The following XPO4 variants were observed in gnomAD, a reference collection of about 807,000 sequenced individuals.
XPO4 encodes exportin-4.
Under a neutral mutation model 143.0 loss-of-function variants are expected in XPO4, and 39 were observed. That is an observed-to-expected ratio of 0.27 (90% CI 0.21 to 0.36). The LOEUF is 0.36. Among genes scored for constraint, XPO4 ranks in the 10% least tolerant of loss-of-function variants. XPO4 has a pLI of 1.00. For synonymous variants in XPO4, 439 were observed against 474.0 expected (o/e 0.93, Z 0.96); for missense variants, 907 against 1,348.0 (o/e 0.67, Z 5.12).
chr13:20,861,981 G>A (rs565814039), intron 3 of XPO4, among the ~76,000 whole-genome samples: 3 of 151,882 alleles, frequency 2.0e-5, no homozygotes, highest in South Asian at 2.1e-4. Context: ...TAGAGATGGC[G>A]TTTCCGCATA....
At chr13:20,874,416 C>G (rs759419322) in intron 1 of XPO4, among the ~76,000 whole-genome samples, 2 of 152,136 alleles carry the variant, frequency 1.3e-5, no homozygotes, top group Non-Finnish European at 2.9e-5. Flanking sequence ...TTCGCCAAAA[C>G]CCATGTTAAA....
At chr13:20,887,892 C>T (rs1262387203) in intron 1 of XPO4, among the ~76,000 whole-genome samples, 2 of 146,998 alleles carry the variant, frequency 1.4e-5, no homozygotes, top group Non-Finnish European at 3.0e-5. Context: ...AAAAAGAGGT[C>T]GGGCTCAGTG....
intron 1 of XPO4, among the ~76,000 whole-genome samples, chr13:20,893,522 G>A (rs1595170862): frequency 6.6e-6 from 1 of 152,188 alleles, no homozygotes; most frequent in Middle Eastern, 3.4e-3. Flanking sequence ...GGAGGATCAC[G>A]AGGTCAGGAG....
At chr13:20,823,645 C>A (rs1346012335) in intron 7 of XPO4, among the ~76,000 whole-genome samples, 1 of 150,870 alleles carries the variant, frequency 6.6e-6, no homozygotes, top group Admixed American at 6.6e-5. Flanking sequence ...GTGGAAATTA[C>A]ACAGAATTCT....
In XPO4 at chr13:20,786,200, C is replaced by CT. The variant is rs550895187; in HGVS notation, c.3258+764dup. 7.8e-4 allele frequency among the ~76,000 whole-genome samples: 118 copies of CT among 151,726 alleles called. 1 individual carries two copies. Among genetic ancestry groups the CT allele is most frequent in the African/African-American group, 2.8e-3 (117 of 41,354 alleles). ...TACGGGAAGTCTAGAGAAAGGAGGTCTTTAAATAGTATGGAAGACCTCCTC... is the reference window on the plus strand; with the variant it reads ...TACGGGAAGTCTAGAGAAAGGAGGTCTTTTAAATAGTATGGAAGACCTCCTC... On this transcript the variant is annotated intron_variant, in intron 22 of 22. Coordinates refer to ENST00000255305, the MANE Select transcript of XPO4 (RefSeq NM_022459.5).
rs1351977577 is a variant in XPO4, at chr13:20,796,155, C to T, written c.2718G>A (p.Glu906=). The T allele has an allele frequency of 5.0e-6, 8 of 1,613,716 alleles. No homozygotes were observed. In the Admixed American group the frequency reaches 1.3e-4, roughly 27 times the overall value. Residue 906 remains glutamate, a synonymous_variant, in exon 18 of 23, where the codon GAG becomes GAA. Coordinates refer to ENST00000255305, the MANE Select transcript of XPO4 (RefSeq NM_022459.5). The part of the protein sequence containing the change: ...RQRIDVTAEE[E]QYQDLLLIME... ...TAATGAGAAGCAGGTCTTGGTATTGCTCTTCTTCTGCTGTAACATCTATTC... is the reference window on the plus strand; with the variant it reads ...TAATGAGAAGCAGGTCTTGGTATTGTTCTTCTTCTGCTGTAACATCTATTC...
chr13:20,799,096 GGCAAC>G, intron 16 of XPO4, 64 bp downstream of exon 16: 1 of 1,373,572 alleles, frequency 7.3e-7, no homozygotes, highest in Non-Finnish European at 9.8e-7. Flanking sequence ...AGACTCTTAC[GGCAAC>G]GCATAGATAA....
At chr13:20,885,574 GA>G (rs1178776986) in intron 1 of XPO4, among the ~76,000 whole-genome samples, 2 of 152,094 alleles carry the variant, frequency 1.3e-5, no homozygotes, top group African/African-American at 4.8e-5. Context: ...GGATAAAAAA[GA>G]AAATCCAAAA....
At chr13:20,886,341 G>A (rs2060461286) in intron 1 of XPO4, among the ~76,000 whole-genome samples, 2 of 152,144 alleles carry the variant, frequency 1.3e-5, no homozygotes, top group Admixed American at 6.5e-5. Context: ...GGCTGGGCGC[G>A]TGGCTCACAC....
At chr13:20,870,775 T>C (rs1322612029) in intron 1 of XPO4, among the ~76,000 whole-genome samples, 1 of 152,130 alleles carries the variant, frequency 6.6e-6, no homozygotes, top group African/African-American at 2.4e-5. Flanking sequence ...AGAAGTATTT[T>C]TGTCTTTCCA....
At chr13:20,883,860 TG>T (rs1305699046) in intron 1 of XPO4, among the ~76,000 whole-genome samples, 4 of 152,170 alleles carry the variant, frequency 2.6e-5, no homozygotes, top group African/African-American at 9.7e-5. Flanking sequence ...CTCCGCCTCC[TG>T]GGTTCAAGCG....
intron 1 of XPO4, chr13:20,902,230 G>A: frequency 3.0e-6 from 3 of 985,240 alleles, no homozygotes; most frequent in Non-Finnish European, 3.6e-6. Flanking sequence ...AGGAAACAAG[G>A]GTTGCTAACA....
intron 1 of XPO4, among the ~76,000 whole-genome samples, chr13:20,901,277 A>G (rs1409948843): frequency 6.6e-6 from 1 of 152,200 alleles, no homozygotes; most frequent in Admixed American, 6.5e-5. Context: ...AAGAGGGAAG[A>G]TATTGGAAAA....
intron 13 of XPO4, among the ~76,000 whole-genome samples, chr13:20,805,482 C>CA (rs1381828295): frequency 6.6e-6 from 1 of 152,172 alleles, no homozygotes; most frequent in East Asian, 1.9e-4. Flanking sequence ...CAAGCAGGCC[C>CA]AGGGCCTTTG....
chr13:20,779,388 A>G lies in XPO4; in HGVS notation c.*4334T>C, dbSNP rs1001899828. The G allele has an allele frequency of 3.3e-5, 5 of 152,638 alleles. No individual in the cohort carries two copies. The highest frequency in any genetic ancestry group is 1.2e-4 in the African/African-American group (5 of 41,468). The allele number at this position is 152,638 out of a possible 1,614,324, so 9.5% of individuals were successfully genotyped here. A position where few individuals can be genotyped will look rare whatever the true frequency, so the allele number is the denominator to read the frequency against. On this transcript the variant is annotated 3_prime_UTR_variant, in exon 23 of 23. Coordinates refer to ENST00000255305, the MANE Select transcript of XPO4 (RefSeq NM_022459.5). ...TAGGTACATAGTGCAGATGCAGTAT[A>G]TAATTTCAGGCTAGGAAAATTAGCT...
chr13:20,819,522 T>A (rs982872063), intron 9 of XPO4, among the ~76,000 whole-genome samples: 5 of 152,066 alleles, frequency 3.3e-5, no homozygotes, highest in African/African-American at 1.2e-4. Flanking sequence ...TAGCCGGGCG[T>A]GATGGCGCAT....
intron 2 of XPO4, chr13:20,866,016 GAA>G (rs2060241926): frequency 1.4e-5 from 14 of 983,964 alleles, no homozygotes; most frequent in Non-Finnish European, 1.6e-5. Flanking sequence ...TTCTCCCTGA[GAA>G]AGAGTAAAAG....
At chr13:20,823,581 T>C (rs925911825) in intron 7 of XPO4, among the ~76,000 whole-genome samples, 3 of 152,098 alleles carry the variant, frequency 2.0e-5, no homozygotes, top group African/African-American at 7.2e-5. Flanking sequence ...TTTTTTCTTT[T>C]TTCCATTTTT....
At chr13:20,844,982 C>T (rs1296733945) in intron 4 of XPO4, among the ~76,000 whole-genome samples, 1 of 152,180 alleles carries the variant, frequency 6.6e-6, no homozygotes, top group Admixed American at 6.5e-5. Context: ...ACCAGCCTGG[C>T]CAACATGGTG....
Sources: gnomAD v4.1 joint callset for allele counts (sites outside exome capture counted in the v4.1 genomes callset) on GRCh38, gnomAD v4.1.1 for gene constraint, MANE v1.5 for transcripts, NCBI Gene and HGNC (gene_info 2026-07-23, HGNC 2026-07-21) for gene names.